GRIA1: variants seen among roughly 807,000 people sequenced by gnomAD.
The protein encoded by GRIA1 is glutamate receptor 1.
Under a neutral mutation model 99.2 loss-of-function variants are expected in GRIA1, and 31 were observed. That is an observed-to-expected ratio of 0.31 (90% CI 0.23 to 0.42). The LOEUF is 0.42. GRIA1 is among the 10% of genes least tolerant of loss of function. The probability of loss-of-function intolerance (pLI) is 1.00; values close to 1 mark genes in which losing one functional copy is unlikely to be tolerated. For missense variants in GRIA1, 782 were observed against 1,157.5 expected (o/e 0.68, Z 4.71); for synonymous variants, 438 against 432.4 (o/e 1.01, Z -0.16).
At chr5:153,504,052 C>T (rs1581140660) in intron 2 of GRIA1, among the ~76,000 whole-genome samples, 1 of 152,168 alleles carries the variant, frequency 6.6e-6, no homozygotes, top group East Asian at 1.9e-4. Flanking sequence ...CACAAAAGTC[C>T]TGGGCCTGAT....
intron 2 of GRIA1, among the ~76,000 whole-genome samples, chr5:153,599,961 G>A (rs937509053): frequency 2.0e-5 from 3 of 152,110 alleles, no homozygotes; most frequent in African/African-American, 7.2e-5. Context: ...AAGGCTGTCG[G>A]CTTGACTAAA....
intron 11 of GRIA1, among the ~76,000 whole-genome samples, chr5:153,751,165 A>G (rs1762487234): frequency 6.6e-6 from 1 of 152,238 alleles, no homozygotes; most frequent in African/African-American, 2.4e-5. Flanking sequence ...TACAACCAAT[A>G]AGAAACAAGG....
intron 2 of GRIA1, among the ~76,000 whole-genome samples, chr5:153,584,092 A>C (rs1182544149): frequency 6.6e-6 from 1 of 152,148 alleles, no homozygotes; most frequent in Non-Finnish European, 1.5e-5. Context: ...CCTCCATCCC[A>C]AAGGATATGG....
chr5:153,560,083 G>A (rs1760992877), intron 2 of GRIA1, among the ~76,000 whole-genome samples: 1 of 152,170 alleles, frequency 6.6e-6, no homozygotes, highest in African/African-American at 2.4e-5. Context: ...TTTGTAAATG[G>A]AAAAGCTGGG....
intron 7 of GRIA1, among the ~76,000 whole-genome samples, chr5:153,683,356 A>G (rs1181596367): frequency 2.0e-5 from 3 of 152,284 alleles, no homozygotes; most frequent in Admixed American, 2.0e-4. Context: ...TGGCTTCCCC[A>G]ACTAGATACT....
chr5:153,558,011 TACTGTACATG>T (rs1176032049), intron 2 of GRIA1: 1 of 152,238 alleles, frequency 6.6e-6, no homozygotes, highest in East Asian at 1.9e-4. Context: ...AAGTATTATG[TACTGTACATG>T]ACTGTATGTG....
At chr5:153,795,606 CAG>C in intron 14 of GRIA1, 1 of 1,447,332 alleles carries the variant, frequency 6.9e-7, no homozygotes, top group Non-Finnish European at 9.7e-7. Flanking sequence ...TCACCGGCTA[CAG>C]AGGTCACGCA....
At chr5:153,554,218 C>A (rs1760410677) in intron 2 of GRIA1, among the ~76,000 whole-genome samples, 1 of 152,102 alleles carries the variant, frequency 6.6e-6, no homozygotes. Context: ...GTAACTCTCT[C>A]AATAGTTTAA....
chr5:153,750,194 G>A (rs1029800884), intron 11 of GRIA1, among the ~76,000 whole-genome samples: 2 of 152,132 alleles, frequency 1.3e-5, no homozygotes, highest in Non-Finnish European at 2.9e-5. Flanking sequence ...AATTACCCTG[G>A]TCTAGGAACC....
At chr5:153,628,739 G>A (rs1256663351) in intron 2 of GRIA1, among the ~76,000 whole-genome samples, 3 of 151,984 alleles carry the variant, frequency 2.0e-5, no homozygotes, top group Admixed American at 6.6e-5. Flanking sequence ...ATTTGTTTGT[G>A]GGTTTTTTTT....
At chr5:153,574,249 G>A (rs1267382689) in intron 2 of GRIA1, 1 of 152,128 alleles carries the variant, frequency 6.6e-6, no homozygotes, top group Non-Finnish European at 1.5e-5. Context: ...GAGAGAGAGA[G>A]CTTGGTAAGC....
chr5:153,671,159 C>T (rs1381225069), intron 5 of GRIA1, among the ~76,000 whole-genome samples: 1 of 152,050 alleles, frequency 6.6e-6, no homozygotes, highest in Non-Finnish European at 1.5e-5. Flanking sequence ...CTGCACTAAC[C>T]TTGTTGTCAG....
At chr5:153,654,682 G>A (rs577028482) in intron 4 of GRIA1, among the ~76,000 whole-genome samples, 71 of 152,286 alleles carry the variant, frequency 4.7e-4, no homozygotes, top group African/African-American at 1.7e-3. Context: ...TTAAGTAGAT[G>A]TCTGAATGTG....
chr5:153,528,127 G>A (rs547166), intron 2 of GRIA1, among the ~76,000 whole-genome samples: 53,751 of 151,452 alleles, frequency 0.35, 9,898 homozygotes, highest in African/African-American at 0.46. Flanking sequence ...ATTTTATTGT[G>A]TAGAGTGGAC....
chr5:153,795,060 G>A (rs2149661246), intron 14 of GRIA1, among the ~76,000 whole-genome samples: 1 of 152,224 alleles, frequency 6.6e-6, no homozygotes, highest in East Asian at 1.9e-4. Context: ...CAGGGTCTGT[G>A]TGCTACAGGG....
chr5:153,664,663 C>A (rs1160220233), intron 5 of GRIA1, among the ~76,000 whole-genome samples: 3 of 152,142 alleles, frequency 2.0e-5, no homozygotes, highest in Non-Finnish European at 2.9e-5. Context: ...AGGACCACAC[C>A]TGTCTTCTTC....
intron 11 of GRIA1, among the ~76,000 whole-genome samples, chr5:153,715,725 G>GTT (rs1232867021): frequency 1.3e-5 from 2 of 152,096 alleles, no homozygotes; most frequent in Non-Finnish European, 2.9e-5. Context: ...CTGCACTATA[G>GTT]TTACCATGTC....
At chr5:153,635,265 T>C (rs925189485) in intron 2 of GRIA1, among the ~76,000 whole-genome samples, 3 of 152,144 alleles carry the variant, frequency 2.0e-5, no homozygotes, top group African/African-American at 7.2e-5. Context: ...ATTTAACGGA[T>C]GATTTACCTG....
intron 10 of GRIA1, among the ~76,000 whole-genome samples, chr5:153,700,419 C>T (rs1758433377): frequency 6.6e-6 from 1 of 152,038 alleles, no homozygotes; most frequent in Non-Finnish European, 1.5e-5. Flanking sequence ...GAGAGAAAAG[C>T]AGCCCAGGAA....
Sources: allele counts gnomAD v4.1 joint callset (sites outside exome capture counted in the v4.1 genomes callset), GRCh38; gene constraint gnomAD v4.1.1; transcripts MANE v1.5; gene names NCBI Gene and HGNC (gene_info 2026-07-23, HGNC 2026-07-21).